INPP5D: variants seen among roughly 807,000 people sequenced by gnomAD.
INPP5D encodes inositol polyphosphate-5-phosphatase D.
INPP5D carries 33 observed loss-of-function variants against 122.9 expected under a neutral mutation model. The ratio of observed to expected loss-of-function variants is 0.27; its 90% CI spans 0.20 to 0.36. The LOEUF (loss-of-function observed/expected upper bound fraction) is 0.36. Among genes scored for constraint, INPP5D ranks in the 10% least tolerant of loss-of-function variants. INPP5D has a pLI of 1.00. For synonymous variants in INPP5D, 584 were observed against 576.2 expected (o/e 1.01, Z -0.19); for missense variants, 1,053 against 1,412.7 (o/e 0.75, Z 4.08).
At chr2:233,086,775 A>C (rs1191125528) in intron 2 of INPP5D, among the ~76,000 whole-genome samples, 1 of 152,220 alleles carries the variant, frequency 6.6e-6, no homozygotes, top group Non-Finnish European at 1.5e-5. Context: ...GGTTTAAACT[A>C]TCCCAGGGGA....
intron 17 of INPP5D, among the ~76,000 whole-genome samples, chr2:233,172,468 C>T (rs1240128315): frequency 2.0e-5 from 3 of 151,562 alleles, no homozygotes; most frequent in Non-Finnish European, 4.4e-5. Flanking sequence ...CAGCTAGGGC[C>T]GAATCAGGGA....
intron 1 of INPP5D, among the ~76,000 whole-genome samples, chr2:233,064,256 T>C (rs1248180031): frequency 6.6e-6 from 1 of 152,120 alleles, no homozygotes; most frequent in African/African-American, 2.4e-5. Context: ...GCTTCCCTCA[T>C]GGGGGAGGCG....
At position 233,082,174 on chromosome 2, in the gene INPP5D, C is replaced by T. The variant is rs73094987; in HGVS notation, c.198+2776C>T. On this transcript the variant is annotated intron_variant, in intron 2 of 26. Coordinates refer to ENST00000445964, the MANE Select transcript of INPP5D (RefSeq NM_001017915.3). This position sits in a 1 kb window ranked among gnomAD's most constrained non-coding sequence, Gnocchi z 4.7. ...TAGGTGGTCTGAAGAGGTTTTCCTT[C>T]AAGGTGAATTAAAGGGGAATTCTCA... 0.017 allele frequency among the ~76,000 whole-genome samples: 2,653 copies of T among 152,130 alleles called. 79 individuals are homozygous for T. Among genetic ancestry groups the T allele is most frequent in the African/African-American group, 0.06 (2,473 of 41,466 alleles).
At chr2:233,193,225 A>G in intron 22 of INPP5D, among the ~76,000 whole-genome samples, 1 of 152,210 alleles carries the variant, frequency 6.6e-6, no homozygotes, top group East Asian at 1.9e-4. Context: ...TATCTATGCT[A>G]ACTTCATGTC....
intron 1 of INPP5D, among the ~76,000 whole-genome samples, chr2:233,061,850 G>T (rs1051186167): frequency 2.0e-5 from 3 of 152,216 alleles, no homozygotes; most frequent in African/African-American, 7.2e-5. Context: ...AGCGGGGCAG[G>T]CATGTAGCCT....
chr2:233,086,140 T>C (rs973745111), intron 2 of INPP5D, among the ~76,000 whole-genome samples: 1 of 137,108 alleles, frequency 7.3e-6, no homozygotes. Flanking sequence ...TTTCTTTCTT[T>C]CTTTCTTTCT....
At position 233,169,381 on chromosome 2, in the gene INPP5D, A is replaced by T. The variant is rs764213570; in HGVS notation, c.1632A>T (p.Ser544=). Reference sequence around the variant, plus strand: ...GGTTCGTCAACAGCCACTTGACTTCAGGAAGTGAAAAGAAACTCAGGTAAT... The same window carrying T: ...GGTTCGTCAACAGCCACTTGACTTCTGGAAGTGAAAAGAAACTCAGGTAAT... ...SLGFVNSHLT[S]GSEKKLRRNQ... Residue 544 remains serine (S), a synonymous_variant, in exon 14 of 27, where the codon TCA becomes TCT. Coordinates refer to ENST00000445964, the MANE Select transcript of INPP5D (RefSeq NM_001017915.3). 3.1e-6 allele frequency: 5 copies of T among 1,598,346 alleles called. No homozygotes were observed. The African/African-American group carries it at 6.7e-5, about 21-fold the overall frequency.
chr2:233,143,667 G>A (rs1426970747), intron 6 of INPP5D, among the ~76,000 whole-genome samples: 4 of 152,218 alleles, frequency 2.6e-5, no homozygotes, highest in African/African-American at 9.6e-5. Flanking sequence ...AGACCAAAAA[G>A]TGGTTAGAGA....
At chr2:233,130,739 G>A (rs1317115230) in intron 5 of INPP5D, 91 bp downstream of exon 5, 1 of 1,338,744 alleles carries the variant, frequency 7.5e-7, no homozygotes, top group Non-Finnish European at 1.1e-6. Context: ...CTGCCTGGCT[G>A]AACAAATGCC....
rs1159363469 is a variant in INPP5D, at chr2:233,158,362, G to T, written c.1080G>T (p.Leu360Phe). The T allele has an allele frequency of 9.9e-6, 7 of 703,818 alleles. No individual in the cohort carries two copies. Among genetic ancestry groups the T allele is most frequent in the Non-Finnish European group, 1.6e-5 (6 of 384,956 alleles). The allele number at this position is 703,818 out of a possible 1,614,324, so 43.6% of individuals were successfully genotyped here. A position where few individuals can be genotyped will look rare whatever the true frequency, so the allele number is the denominator to read the frequency against. The part of the protein sequence containing the change: ...SQKFLNKLVI[L>F]VETEKEKILR... ...AATTTCTGAATAAGTTGGTGATCTT[G>T]GTGGAAACAGAGAAGGAGAAGATCC... The change falls in exon 10 of 27, where the codon TTG becomes TTT. Residue 360 changes from leucine to phenylalanine, a missense_variant. Physicochemically the swap from Leu to Phe is conservative, Grantham distance 22. Coordinates refer to ENST00000445964, the MANE Select transcript of INPP5D (RefSeq NM_001017915.3).
At chr2:233,071,039 C>T (rs950177729) in intron 1 of INPP5D, among the ~76,000 whole-genome samples, 9 of 152,032 alleles carry the variant, frequency 5.9e-5, no homozygotes, top group East Asian at 5.8e-4. Flanking sequence ...TTTGGGAGGC[C>T]GAGGCGGCCG....
chr2:233,182,303 T>C, intron 18 of INPP5D, 107 bp from the exon 19 acceptor site: 1 of 1,522,376 alleles, frequency 6.6e-7, no homozygotes, highest in South Asian at 1.2e-5. Context: ...TTCGCACTTC[T>C]GGAGGGCTCC....
At chr2:233,140,145 A>C (rs1192999756) in intron 6 of INPP5D, 1 of 351,446 alleles carries the variant, frequency 2.8e-6, no homozygotes, top group Non-Finnish European at 5.1e-6. Flanking sequence ...TTGAGGAATA[A>C]AGATTTCAAA....
At chr2:233,200,885 C>T (rs903763957) in intron 25 of INPP5D, among the ~76,000 whole-genome samples, 5 of 151,878 alleles carry the variant, frequency 3.3e-5, no homozygotes, top group South Asian at 2.1e-4. Flanking sequence ...CGCTTGAACC[C>T]GGGAGGCGGA....
chr2:233,197,843 C>G lies in INPP5D; in HGVS notation c.2694-252C>G, dbSNP rs1695223310. ...CCATCAAAAGTGAGTTCCATAAGAA[C>G]AGAGACCATGGCTGCCTCACTCACA... On this transcript the variant is annotated intron_variant, in intron 24 of 26. Transcript: ENST00000445964. This position sits in a 1 kb window ranked among gnomAD's most constrained non-coding sequence, Gnocchi z 4.4. 1.3e-5 allele frequency among the ~76,000 whole-genome samples: 2 copies of G among 152,180 alleles called. No homozygotes were observed. The highest frequency in any genetic ancestry group is 4.1e-4 in the South Asian group (2 of 4,832).
At chr2:233,204,918 ACC>A in intron 26 of INPP5D, 4 of 869,496 alleles carry the variant, frequency 4.6e-6, no homozygotes, top group Non-Finnish European at 6.5e-6. Context: ...CAGGATTTGA[ACC>A]CAGGTCTGCC....
Position 233,125,866 on chromosome 2 carries a change from G to A in INPP5D, c.471G>A (p.Arg157=). Residue 157 remains arginine (R), a synonymous_variant, in exon 4 of 27, where the codon CGG becomes CGA. Transcript: ENST00000445964. ...NENPRATETS[R]PSLSETLFQR... ...ATCCCCGAGCGACCGAGACCAGCCG[G>A]CCGAGCCTCTCCGAGACATTGTTCC... is the stretch of plus-strand genomic sequence containing the variant. 6 of 1,613,710 alleles carry A rather than the reference G, an allele frequency of 3.7e-6. No homozygotes were observed. Among genetic ancestry groups the A allele is most frequent in the Non-Finnish European group, 5.1e-6 (6 of 1,179,824 alleles).
At chr2:233,151,093 G>A (rs1176177486) in intron 9 of INPP5D, among the ~76,000 whole-genome samples, 1 of 152,116 alleles carries the variant, frequency 6.6e-6, no homozygotes, top group Non-Finnish European at 1.5e-5. Flanking sequence ...TGAGAAGTTG[G>A]TATTCTCCTT....
At chr2:233,111,810 T>C (rs1418043645) in intron 2 of INPP5D, among the ~76,000 whole-genome samples, 1 of 152,198 alleles carries the variant, frequency 6.6e-6, no homozygotes, top group Non-Finnish European at 1.5e-5. Context: ...CCTGTGATCC[T>C]AGCACTTTGG....
Sources: gnomAD v4.1 joint callset for allele counts (sites outside exome capture counted in the v4.1 genomes callset) on GRCh38, gnomAD v4.1.1 for gene constraint, Gnocchi (gnomAD v3.1) non-coding constraint, MANE v1.5 for transcripts, NCBI Gene and HGNC (gene_info 2026-07-23, HGNC 2026-07-21) for gene names.